NMUR1: variants seen among roughly 807,000 people sequenced by gnomAD.
The protein encoded by NMUR1 is neuromedin U receptor 1, also known as neuromedin-U receptor 1.
A neutral mutation model predicts 18.8 loss-of-function variants in NMUR1; 16 were observed. The ratio of observed to expected loss-of-function variants is 0.85; its 90% CI spans 0.58 to 1.29. NMUR1 has a LOEUF of 1.29. NMUR1 is among the 50% of genes most tolerant of loss of function. The probability of loss-of-function intolerance (pLI) is 0.00; values close to 1 mark genes in which losing one functional copy is unlikely to be tolerated. For synonymous variants in NMUR1, 258 were observed against 258.2 expected, an observed-to-expected ratio of 1.00 and a Z score of 0.01; for missense variants, 529 against 580.3, an observed-to-expected ratio of 0.91 and a Z score of 0.91.
chr2:231,519,759 G>C (rs964026672), downstream of NMUR1, among the ~76,000 whole-genome samples: 5 of 152,158 alleles, frequency 3.3e-5, no homozygotes, highest in Non-Finnish European at 7.3e-5. Context: ...GCACACTGGG[G>C]TTCTTTTCTT....
At chr2:231,520,360 C>T (rs2047294729), downstream of NMUR1, among the ~76,000 whole-genome samples, 1 of 152,206 alleles carries the variant, frequency 6.6e-6, no homozygotes, top group African/African-American at 2.4e-5. Context: ...CACGCCTGCC[C>T]CTGTTGTTGT....
rs1243607667 is a variant in NMUR1 at position 231,523,974 on chromosome 2, G to GA, written c.*1068dup. 1.3e-5 allele frequency: 2 copies of GA among 152,460 alleles called. No individual in the cohort carries two copies. Among genetic ancestry groups the GA allele is most frequent in the East Asian group, 3.8e-4 (2 of 5,206 alleles). The allele number at this position is 152,460 out of a possible 1,614,324, so 9.4% of individuals were successfully genotyped here. On this transcript the variant is annotated 3_prime_UTR_variant, in exon 3 of 3. Coordinates refer to ENST00000305141, the MANE Select transcript of NMUR1 (RefSeq NM_006056.5). ...GCCAGCCTGCACGTATGTGAGGACGGAGGTGGGCTGTGGTGGTGGGGTCTG... is the reference window on the plus strand; with the variant it reads ...GCCAGCCTGCACGTATGTGAGGACGGAAGGTGGGCTGTGGTGGTGGGGTCTG...
In NMUR1 at chr2:231,528,706, C is replaced by T. The variant is rs146898455; in HGVS notation, c.315G>A (p.Ser105=). The T allele has an allele frequency of 3.7e-5, 60 of 1,614,130 alleles. No individual in the cohort carries two copies. In the African/African-American group the frequency reaches 7.6e-4, roughly 20 times the overall value. The change falls in exon 2 of 3, where the codon TCG becomes TCA. Residue 105 remains serine, a synonymous_variant. Transcript: ENST00000305141. Reference sequence around the variant, plus strand: ...GGCCCACCAGCAGCACCAGCAGGTCCGACACGGCCAGGCTGAAGAGGTAGT... The same window carrying T: ...GGCCCACCAGCAGCACCAGCAGGTCTGACACGGCCAGGCTGAAGAGGTAGT... ...TNYYLFSLAV[S]DLLVLLVGLP... is the part of the protein sequence containing the mutation.
Position 231,523,490 on chromosome 2 carries a change from A to G in NMUR1, c.*1553T>C. The G allele has an allele frequency of 3.3e-6, 1 of 302,180 alleles. No homozygotes were observed. The highest frequency in any genetic ancestry group is 6.0e-6 in the Non-Finnish European group (1 of 165,802). 18.7% of individuals were successfully genotyped at this position (302,180 alleles called of 1,614,324 possible). A position where few individuals can be genotyped will look rare whatever the true frequency, so the allele number is the denominator to read the frequency against. On this transcript the variant is annotated 3_prime_UTR_variant, in exon 3 of 3. Transcript: ENST00000305141. ...CATTTTTGCTTATTTGCACTTTCCA[A>G]ATTTTCTATCATGAGCATTTATTAT...
intron 1 of NMUR1, among the ~76,000 whole-genome samples, chr2:231,529,262 C>T (rs1242813254): frequency 6.6e-6 from 1 of 152,132 alleles, no homozygotes; most frequent in Non-Finnish European, 1.5e-5. Context: ...GAGTTCAAGA[C>T]CAGCCTGGCC....
In NMUR1 at chr2:231,525,322, G is replaced by C. The variant is rs149953749; in HGVS notation, c.1002C>G (p.Phe334Leu). The C allele has an allele frequency of 6.2e-7, 1 of 1,614,152 alleles. No homozygotes were observed. The highest frequency in any genetic ancestry group is 8.5e-7 in the Non-Finnish European group (1 of 1,180,024). The change falls in exon 3 of 3, where the codon TTC becomes TTG. Residue 334 changes from phenylalanine (F) to leucine (L), a missense_variant. Phe to Leu is a conservative substitution (Grantham distance 22). Transcript: ENST00000305141. ...SQWTDGLHLA[F>L]QHVHVISGIF... ...TGCCGGAGATGACGTGCACGTGCTG[G>C]AAGGCCAGGTGCAGGCCATCTGTCC...
intron 1 of NMUR1, among the ~76,000 whole-genome samples, chr2:231,529,887 G>T (rs2047397920): frequency 6.6e-6 from 1 of 152,246 alleles, no homozygotes; most frequent in Non-Finnish European, 1.5e-5. Flanking sequence ...CACTATGAGA[G>T]TCAAGTGAGG....
rs1451534320 is a variant in NMUR1, at chr2:231,525,242, C to T, written c.1082G>A (p.Ser361Asn). 1 of 1,614,168 alleles carries T rather than the reference C, an allele frequency of 6.2e-7. No homozygotes were observed. Among genetic ancestry groups the T allele is most frequent in the Admixed American group, 1.7e-5 (1 of 60,020 alleles). ...ANPVLYSLMS[S>N]RFRETFQEAL... ...CTCCTGGAAGGTCTCTCGGAAGCGG[C>T]TGGACATGAGGCTATAGAGCACGGG... The change falls in exon 3 of 3, where the codon AGC becomes AAC. Residue 361 changes from serine (S) to asparagine (N), a missense_variant. Coordinates refer to ENST00000305141, the MANE Select transcript of NMUR1 (RefSeq NM_006056.5).
At chr2:231,521,798 T>G (rs2047306082), downstream of NMUR1, among the ~76,000 whole-genome samples, 1 of 151,860 alleles carries the variant, frequency 6.6e-6, no homozygotes, top group Non-Finnish European at 1.5e-5. Context: ...GCATGACCGG[T>G]GTTTTTGCCA....
At chr2:231,527,047 A>G (rs1434106211) in intron 2 of NMUR1, among the ~76,000 whole-genome samples, 1 of 151,990 alleles carries the variant, frequency 6.6e-6, no homozygotes, top group Non-Finnish European at 1.5e-5. Flanking sequence ...TTCCCAGGGA[A>G]CCGCAGACAT....
In NMUR1 at chr2:231,524,612, A is replaced by T. The variant is rs571670150; in HGVS notation, c.*431T>A. On this transcript the variant is annotated 3_prime_UTR_variant, in exon 3 of 3. Coordinates refer to ENST00000305141, the MANE Select transcript of NMUR1 (RefSeq NM_006056.5). ...TGGTGCATGACAAGGTGGTGACAGC[A>T]GGGCTGAGATTGGAACCAGGTCCCC... is the stretch of plus-strand genomic sequence containing the variant. 1.1e-3 allele frequency: 191 copies of T among 175,418 alleles called. No homozygotes were observed. The highest frequency in any genetic ancestry group is 4.3e-3 in the African/African-American group (181 of 42,314). 10.9% of individuals were successfully genotyped at this position (175,418 alleles called of 1,614,324 possible).
chr2:231,530,356 T>C lies in NMUR1; in HGVS notation c.3+3A>G, dbSNP rs1189795501. On this transcript the variant is annotated splice_donor_region_variant and intron_variant, in intron 1 of 2. Coordinates refer to ENST00000305141, the MANE Select transcript of NMUR1 (RefSeq NM_006056.5). ...TAGCCCACGCCGGCGCCTGCGCACC[T>C]ACCATGCGGCCCGCGGCCCGCGAGA... is the stretch of plus-strand genomic sequence containing the variant. 13 of 1,489,198 alleles carry C rather than the reference T, an allele frequency of 8.7e-6. No individual in the cohort carries two copies. The highest frequency in any genetic ancestry group is 2.9e-5 in the African/African-American group (2 of 68,256). 92.2% of individuals were successfully genotyped at this position (1,489,198 alleles called of 1,614,324 possible). A position where few individuals can be genotyped will look rare whatever the true frequency, so the allele number is the denominator to read the frequency against.
chr2:231,527,412 G>A (rs968685176), intron 2 of NMUR1, among the ~76,000 whole-genome samples: 1 of 152,182 alleles, frequency 6.6e-6, no homozygotes, highest in African/African-American at 2.4e-5. Context: ...GGAGGCTGAG[G>A]TGGGAGGATC....
chr2:231,519,441 C>T (rs956083998), downstream of NMUR1, among the ~76,000 whole-genome samples: 2 of 152,220 alleles, frequency 1.3e-5, no homozygotes, highest in African/African-American at 4.8e-5. Context: ...ACAGAAAGAA[C>T]ATTTACTTTA....
chr2:231,518,496 G>GCCAC (rs2125657804), downstream of NMUR1, among the ~76,000 whole-genome samples: 1 of 152,344 alleles, frequency 6.6e-6, no homozygotes, highest in African/African-American at 2.4e-5. Flanking sequence ...ATAGGCATGA[G>GCCAC]CCACCGCGCC....
chr2:231,521,884 A>G (rs2047306894), downstream of NMUR1, among the ~76,000 whole-genome samples: 1 of 151,392 alleles, frequency 6.6e-6, no homozygotes, highest in Non-Finnish European at 1.5e-5. Context: ...CCCGTTTTCC[A>G]TGGGAACCAG....
Position 231,525,180 on chromosome 2 carries a change from G to A in NMUR1, c.1144C>T (p.Pro382Ser). The change falls in exon 3 of 3, where the codon CCC becomes TCC. Residue 382 changes from proline (P) to serine (S), a missense_variant. Transcript: ENST00000305141. ...CTGAGGCTGTGGGAGCTGTGGCGGG[G>A]TCTGAGGCGATGGCAGCAGGCCCCG... ...CLGACCHRLR[P>S]RHSSHSLSRM... 1.9e-6 allele frequency: 3 copies of A among 1,614,146 alleles called. No homozygotes were observed. The highest frequency in any genetic ancestry group is 1.7e-6 in the Non-Finnish European group (2 of 1,180,028).
chr2:231,528,332 A>C lies in NMUR1; in HGVS notation c.689T>G (p.Met230Arg). ...MLVRPRALYN[M>R]VVQTTALLFF... Reference sequence around the variant, plus strand: ...GAGCAGCGCGGTGGTCTGCACTACCATGTTGTAGAGGGCCCGTGGGCGGAC... The same window carrying C: ...GAGCAGCGCGGTGGTCTGCACTACCCTGTTGTAGAGGGCCCGTGGGCGGAC... Residue 230 changes from methionine to arginine, a missense_variant, in exon 2 of 3, where the codon ATG (methionine) becomes AGG (arginine). Transcript: ENST00000305141. 6.2e-7 allele frequency: 1 copy of C among 1,613,310 alleles called. No homozygotes were observed. The highest frequency in any genetic ancestry group is 8.5e-7 in the Non-Finnish European group (1 of 1,179,548).
rs1575286120 is a variant in NMUR1, at chr2:231,525,144, T to C, written c.1180A>G (p.Thr394Ala). Residue 394 changes from threonine to alanine, a missense_variant, in exon 3 of 3, where the codon ACA becomes GCA. By Grantham distance (58) the Thr-to-Ala change is moderately conservative (BLOSUM62 0). Coordinates refer to ENST00000305141, the MANE Select transcript of NMUR1 (RefSeq NM_006056.5). Reference protein sequence around the residue: ...HSSHSLSRMTTGSTLCDVGSL... With the variant: ...HSSHSLSRMTAGSTLCDVGSL... ...CCCACATCACACAGGGTGCTGCCTG[T>C]GGTCATCCTGCTGAGGCTGTGGGAG... 1 of 1,614,056 alleles carries C rather than the reference T, an allele frequency of 6.2e-7. No homozygotes were observed. Among genetic ancestry groups the C allele is most frequent in the East Asian group, 2.2e-5 (1 of 44,882 alleles).
Sources: gnomAD v4.1 joint callset for allele counts (sites outside exome capture counted in the v4.1 genomes callset) on GRCh38, gnomAD v4.1.1 for gene constraint, MANE v1.5 for transcripts, NCBI Gene and HGNC (gene_info 2026-07-23, HGNC 2026-07-21) for gene names.